Variants in NR1I2 observed in about 807,000 individuals in gnomAD.
NR1I2 encodes the protein nuclear receptor subfamily 1 group I member 2.
A neutral mutation model predicts 43.3 loss-of-function variants in NR1I2; 42 were observed. That is an observed-to-expected ratio of 0.97 (90% confidence interval 0.76 to 1.26). The LOEUF is 1.26. Ranked by LOEUF, NR1I2 falls within the 50% of genes most tolerant of loss-of-function variation. NR1I2 has a pLI of 0.00. For synonymous variants in NR1I2, 229 were observed against 215.0 expected (o/e 1.06, Z -0.57); for missense variants, 559 against 566.7 (o/e 0.99, Z 0.14).
At chr3:119,783,456 C>G (rs1405888825) in intron 1 of NR1I2, among the ~76,000 whole-genome samples, 1 of 152,026 alleles carries the variant, frequency 6.6e-6, no homozygotes, top group African/African-American at 2.4e-5. Context: ...GCAAAATTGA[C>G]CAATTGCGAA....
At chr3:119,802,018 G>A (rs918461641) in intron 1 of NR1I2, among the ~76,000 whole-genome samples, 9 of 152,180 alleles carry the variant, frequency 5.9e-5, no homozygotes, top group East Asian at 1.9e-4. Context: ...TTCTTATAGC[G>A]TAGACCCAGA....
intron 1 of NR1I2, chr3:119,792,430 G>A (rs1365645684): frequency 1.7e-6 from 2 of 1,194,148 alleles, no homozygotes; most frequent in East Asian, 2.4e-5. Flanking sequence ...CCACTGCAGG[G>A]GACGGCCTGA....
intron 1 of NR1I2, among the ~76,000 whole-genome samples, chr3:119,797,184 A>ATTG (rs1401966538): frequency 4.0e-5 from 1 of 24,996 alleles, no homozygotes; most frequent in Non-Finnish European, 8.5e-5. Context: ...CTGCACAAAG[A>ATTG]TATGTGTGTG....
chr3:119,794,217 A>G (rs779952188), intron 1 of NR1I2, among the ~76,000 whole-genome samples: 6 of 150,780 alleles, frequency 4.0e-5, no homozygotes, highest in Non-Finnish European at 5.9e-5. Context: ...TTTTTTTTTG[A>G]GATAGAGTCT....
chr3:119,806,884 T>C (rs954847512), intron 1 of NR1I2, among the ~76,000 whole-genome samples: 3 of 152,210 alleles, frequency 2.0e-5, no homozygotes, highest in African/African-American at 7.2e-5. Flanking sequence ...GGCCAGGTTG[T>C]GGCCTCCTAA....
At chr3:119,785,819 G>A (rs2054835396) in intron 1 of NR1I2, among the ~76,000 whole-genome samples, 2 of 152,092 alleles carry the variant, frequency 1.3e-5, no homozygotes. Context: ...CATACCAGGA[G>A]GATTTTCTGT....
chr3:119,815,821 C>A lies in NR1I2; in HGVS notation c.1150C>A (p.Pro384Thr). 1 of 1,609,392 alleles carries A rather than the reference C, an allele frequency of 6.2e-7. No individual in the cohort carries two copies. Among genetic ancestry groups the A allele is most frequent in the South Asian group, 1.1e-5 (1 of 89,936 alleles). ...CTACATTGAATGCAATCGGCCCCAG[C>A]CTGCTCATAGGTGAGCACAGCAGGG... is the stretch of plus-strand genomic sequence containing the variant. The change falls in exon 8 of 9, where the codon CCT becomes ACT. Residue 384 changes from proline to threonine, a missense_variant. Physicochemically the swap from Pro to Thr is conservative, Grantham distance 38. Around this residue, in one of 3 missense-constraint regions of NR1I2, gnomAD observed 323 missense variants for 312.2 expected, o/e 1.03. Transcript: ENST00000393716.
chr3:119,813,504 A>G (rs1480363525), intron 5 of NR1I2, among the ~76,000 whole-genome samples: 1 of 152,154 alleles, frequency 6.6e-6, no homozygotes, highest in African/African-American at 2.4e-5. Flanking sequence ...GGCAGGAACC[A>G]CAGCCCCAGA....
intron 4 of NR1I2, 113 bp from the exon 5 acceptor site, chr3:119,812,573 A>C: frequency 1.7e-6 from 2 of 1,206,756 alleles, no homozygotes; most frequent in East Asian, 4.7e-5. Context: ...GCATTTGTGC[A>C]TCCTCTCGAG....
At chr3:119,786,372 A>G (rs577613649) in intron 1 of NR1I2, among the ~76,000 whole-genome samples, 3 of 152,302 alleles carry the variant, frequency 2.0e-5, no homozygotes, top group Admixed American at 1.3e-4. Flanking sequence ...GGGGGCTGGG[A>G]AAAGTTCCCT....
chr3:119,790,284 C>A (rs1278668707), intron 1 of NR1I2, among the ~76,000 whole-genome samples: 1 of 152,074 alleles, frequency 6.6e-6, no homozygotes, highest in Non-Finnish European at 1.5e-5. Context: ...TAGTATGTCC[C>A]ATGTTTTGTT....
intron 1 of NR1I2, among the ~76,000 whole-genome samples, chr3:119,799,985 A>AACACACAC (rs35486268): frequency 2.1e-5 from 3 of 142,400 alleles, no homozygotes; most frequent in Admixed American, 6.9e-5. Context: ...CAAACAAACA[A>AACACACAC]ACACACACAC....
rs1460165697 is a variant in NR1I2, at chr3:119,817,914, A to T, written c.*702A>T. 1.0e-6 allele frequency: 1 copy of T among 981,798 alleles called. No individual in the cohort carries two copies. Among genetic ancestry groups the T allele is most frequent in the African/African-American group, 1.7e-5 (1 of 57,162 alleles). 60.8% of individuals were successfully genotyped at this position (981,798 alleles called of 1,614,324 possible). ...TGTGGGGTATACAGCATTGACTCAGATATAGATCCTGAGCTCACAGAGTTT... is the reference window on the plus strand; with the variant it reads ...TGTGGGGTATACAGCATTGACTCAGTTATAGATCCTGAGCTCACAGAGTTT... On this transcript the variant is annotated 3_prime_UTR_variant, in exon 9 of 9. Transcript: ENST00000393716.
At chr3:119,798,184 T>C (rs1388457625) in intron 1 of NR1I2, among the ~76,000 whole-genome samples, 2 of 152,212 alleles carry the variant, frequency 1.3e-5, no homozygotes, top group African/African-American at 4.8e-5. Context: ...CTCGTGTGTC[T>C]CTTACGCCCT....
At chr3:119,805,441 AGCACTTT>A (rs2055143151) in intron 1 of NR1I2, among the ~76,000 whole-genome samples, 2 of 152,156 alleles carry the variant, frequency 1.3e-5, no homozygotes. Context: ...CTGTAATCCC[AGCACTTT>A]GGGAGGCTGA....
At chr3:119,795,714 C>T (rs1296549936) in intron 1 of NR1I2, among the ~76,000 whole-genome samples, 3 of 152,212 alleles carry the variant, frequency 2.0e-5, no homozygotes, top group African/African-American at 7.2e-5. Flanking sequence ...AGTTTTCCCT[C>T]TCTCTGTGTT....
At position 119,817,572 on chromosome 3, in the gene NR1I2, G is replaced by A. The variant is rs771226549; in HGVS notation, c.*360G>A. 26 of 1,187,394 alleles carry A rather than the reference G, an allele frequency of 2.2e-5. No homozygotes were observed. The highest frequency in any genetic ancestry group is 8.9e-5 in the South Asian group (5 of 56,314). The allele number at this position is 1,187,394 out of a possible 1,614,324, so 73.6% of individuals were successfully genotyped here. On this transcript the variant is annotated 3_prime_UTR_variant, in exon 9 of 9. Transcript: ENST00000393716. Reference sequence around the variant, plus strand: ...TGTCAAGGTGTGGAAGGGACCAAGCGACCAAGGATGGGCCATCTGGGGTCT... The same window carrying A: ...TGTCAAGGTGTGGAAGGGACCAAGCAACCAAGGATGGGCCATCTGGGGTCT...
chr3:119,817,214 C>T lies in NR1I2; in HGVS notation c.*2C>T, dbSNP rs565889403. 2.1e-5 allele frequency: 34 copies of T among 1,613,800 alleles called. No individual in the cohort carries two copies. In the South Asian group the frequency reaches 2.4e-4, roughly 11 times the overall value. On this transcript the variant is annotated 3_prime_UTR_variant, in exon 9 of 9. Coordinates refer to ENST00000393716, the MANE Select transcript of NR1I2 (RefSeq NM_003889.4). Reference sequence around the variant, plus strand: ...TTGTTCGGCATCACAGGTAGCTGAGCGGCTGCCCTTGGGTGACACCTCCGA... The same window carrying T: ...TTGTTCGGCATCACAGGTAGCTGAGTGGCTGCCCTTGGGTGACACCTCCGA...
chr3:119,794,611 C>T (rs2054969804), intron 1 of NR1I2, among the ~76,000 whole-genome samples: 1 of 152,078 alleles, frequency 6.6e-6, no homozygotes, highest in South Asian at 2.1e-4. Flanking sequence ...AGGCATGAGC[C>T]CCCACACCTG....
Sources: allele counts gnomAD v4.1 joint callset (sites outside exome capture counted in the v4.1 genomes callset), GRCh38; gene constraint gnomAD v4.1.1; regional missense constraint gnomAD v4.1.1; transcripts MANE v1.5; gene names NCBI Gene and HGNC (gene_info 2026-07-23, HGNC 2026-07-21).